The following OPALIN variants were observed in gnomAD, a reference collection of about 807,000 sequenced individuals.
OPALIN encodes transmembrane protein 10.
A neutral mutation model predicts 17.8 loss-of-function variants in OPALIN; 15 were observed. That is an observed-to-expected ratio of 0.84 (90% CI 0.56 to 1.29). The LOEUF is 1.29. Ranked by LOEUF, OPALIN falls within the 50% of genes most tolerant of loss-of-function variation. OPALIN has a pLI of 0.00. For synonymous variants in OPALIN, 62 were observed against 63.8 expected (o/e 0.97, Z 0.14); for missense variants, 170 against 176.0 (o/e 0.97, Z 0.19).
Position 96,351,844 on chromosome 10 carries a change from C to T in OPALIN, c.40-434G>A, listed in dbSNP as rs1393367431. Among the ~76,000 whole-genome samples the T allele has an allele frequency of 2.6e-5, 4 of 152,248 alleles. No homozygotes were observed. The East Asian group carries it at 7.7e-4, about 29-fold the overall frequency. On this transcript the variant is annotated intron_variant, in intron 2 of 5. Coordinates refer to ENST00000371172, the MANE Select transcript of OPALIN (RefSeq NM_033207.5). ...TGATGAAACAAATGGCAGAAGTTGT[C>T]AAATATCCATGCTCCTGGGGATAAT...
In OPALIN at chr10:96,356,890, T is replaced by G. The variant is rs1845844235; in HGVS notation, c.4-1600A>C. 5 of 985,200 alleles carry G rather than the reference T, an allele frequency of 5.1e-6. No homozygotes were observed. In the South Asian group the frequency reaches 2.4e-4, roughly 46 times the overall value. The allele number at this position is 985,200 out of a possible 1,614,324, so 61.0% of individuals were successfully genotyped here. On this transcript the variant is annotated intron_variant, in intron 1 of 5. Transcript: ENST00000371172. The stretch of plus-strand genomic sequence containing the variant: ...AACAGGTTTCCCAAGTCCAAACAAC[T>G]ACTTAGCTGTCACCAGAACCTGAGT...
intron 1 of OPALIN, chr10:96,356,920 C>A (rs149058087): frequency 1.0e-6 from 1 of 985,368 alleles, no homozygotes; most frequent in Non-Finnish European, 1.2e-6. Flanking sequence ...CTGAGTGTCC[C>A]GGTGACAACC....
intron 2 of OPALIN, 95 bp downstream of exon 2, chr10:96,355,160 G>GTGTGTGAGGGGTT (rs1286910763): frequency 7.1e-6 from 5 of 703,960 alleles, no homozygotes; most frequent in Non-Finnish European, 1.2e-5. Context: ...ACTTATCACC[G>GTGTGTGAGGGGTT]TGTGTGAGGG....
chr10:96,347,929 T>G (rs1845408391), intron 5 of OPALIN, among the ~76,000 whole-genome samples: 1 of 152,236 alleles, frequency 6.6e-6, no homozygotes, highest in Non-Finnish European at 1.5e-5. Context: ...CTGTAATTTT[T>G]TGAAAAAGAC....
At chr10:96,347,215 C>G (rs1845370703) in intron 5 of OPALIN, among the ~76,000 whole-genome samples, 1 of 151,910 alleles carries the variant, frequency 6.6e-6, no homozygotes, top group South Asian at 2.1e-4. Flanking sequence ...CTTCAGCCCC[C>G]CACGAAGTAG....
chr10:96,347,971 T>G (rs779785775), intron 5 of OPALIN, among the ~76,000 whole-genome samples: 5 of 152,254 alleles, frequency 3.3e-5, no homozygotes, highest in African/African-American at 1.2e-4. Flanking sequence ...CCCATTCTAT[T>G]TTTAATTTGC....
At chr10:96,357,499 A>G (rs908658775) in intron 1 of OPALIN, among the ~76,000 whole-genome samples, 4 of 152,278 alleles carry the variant, frequency 2.6e-5, no homozygotes, top group Middle Eastern at 3.4e-3. Context: ...TCGAGCCCAC[A>G]CTTAGCCACT....
At position 96,345,728 on chromosome 10, in the gene OPALIN, C is replaced by T; in HGVS notation, c.*213G>A. 2.1e-6 allele frequency: 1 copy of T among 485,954 alleles called. No individual in the cohort carries two copies. The highest frequency in any genetic ancestry group is 3.6e-6 in the Non-Finnish European group (1 of 276,330). The allele number at this position is 485,954 out of a possible 1,614,324, so 30.1% of individuals were successfully genotyped here. A position where few individuals can be genotyped will look rare whatever the true frequency, so the allele number is the denominator to read the frequency against. On this transcript the variant is annotated 3_prime_UTR_variant, in exon 6 of 6. Transcript: ENST00000371172. ...TCTAAGGACCCCATCTGGTGAGTCACATGTACTAACTAAAGCACAAGATCT... is the reference window on the plus strand; with the variant it reads ...TCTAAGGACCCCATCTGGTGAGTCATATGTACTAACTAAAGCACAAGATCT...
chr10:96,357,189 C>T, intron 1 of OPALIN: 2 of 984,642 alleles, frequency 2.0e-6, no homozygotes, highest in Non-Finnish European at 1.2e-6. Context: ...TTTATCTCAT[C>T]AGTGGGCACT....
chr10:96,349,688 C>A lies in OPALIN; in HGVS notation c.192+19G>T. 1 of 1,609,966 alleles carries A rather than the reference C, an allele frequency of 6.2e-7. No homozygotes were observed. The highest frequency in any genetic ancestry group is 1.1e-5 in the South Asian group (1 of 90,142). ...TGGTGGCTGCCTATACATCTGGACCCAAAGAAGCTAGTAATCACCTCCATG... is the reference window on the plus strand; with the variant it reads ...TGGTGGCTGCCTATACATCTGGACCAAAAGAAGCTAGTAATCACCTCCATG... On this transcript the variant is annotated intron_variant, in intron 4 of 5. Transcript: ENST00000371172.
At chr10:96,348,974 G>A (rs972011035) in intron 4 of OPALIN, among the ~76,000 whole-genome samples, 9 of 152,086 alleles carry the variant, frequency 5.9e-5, no homozygotes, top group African/African-American at 2.2e-4. Context: ...TTTTGGAGTT[G>A]AACTAACCAA....
chr10:96,348,388 G>C, intron 4 of OPALIN, 43 bp from the exon 5 acceptor site: 1 of 981,274 alleles, frequency 1.0e-6, no homozygotes, highest in Non-Finnish European at 1.6e-6. Flanking sequence ...GAAAGAAGAA[G>C]AAGTGAAGGG....
rs185762163 is a variant in OPALIN at position 96,355,290 on chromosome 10, T to C, written c.4A>G (p.Ser2Gly). The C allele has an allele frequency of 4.3e-6, 7 of 1,613,800 alleles. No homozygotes were observed. The Admixed American group carries it at 1.0e-4, about 23-fold the overall frequency. The change falls in exon 2 of 6, where the codon AGT (serine) becomes GGT (glycine). Residue 2 changes from serine (S) to glycine (G), a missense_variant and splice_region_variant. Transcript: ENST00000371172. The part of the protein sequence containing the change: M[S>G]FSLNFTLPAN... ...GGCAGGGTGAAGTTCAGTGAAAAAC[T>C]CTGCAAGATAGAAGTAAACATTAAA... is the stretch of plus-strand genomic sequence containing the variant.
At chr10:96,356,828 C>T (rs963054915) in intron 1 of OPALIN, 29 of 956,398 alleles carry the variant, frequency 3.0e-5, no homozygotes, top group Admixed American at 6.2e-5. Context: ...ATAGGACACC[C>T]GCATTTTATA....
chr10:96,353,418 A>C (rs768452098), intron 2 of OPALIN: 5 of 1,613,646 alleles, frequency 3.1e-6, no homozygotes, highest in Non-Finnish European at 4.2e-6. Context: ...TATGCAGTAG[A>C]AATGTGACTT....
intron 3 of OPALIN, among the ~76,000 whole-genome samples, chr10:96,350,586 G>T (rs1035082750): frequency 2.6e-5 from 4 of 152,150 alleles, no homozygotes; most frequent in Non-Finnish European, 5.9e-5. Flanking sequence ...AATGGGTGCA[G>T]CACACCAACG....
In OPALIN at chr10:96,343,508, A is replaced by G. The variant is rs999324455; in HGVS notation, c.*2433T>C. ...GGATGAGAACTGCTGTCTCCACTTT[A>G]CAAGTACAGAACTGAGGCTCTGGAT... On this transcript the variant is annotated 3_prime_UTR_variant, in exon 6 of 6. Transcript: ENST00000371172. 3.3e-5 allele frequency: 5 copies of G among 152,234 alleles called. No homozygotes were observed. The highest frequency in any genetic ancestry group is 7.3e-5 in the Non-Finnish European group (5 of 68,060). The allele number at this position is 152,234 out of a possible 1,614,324, so 9.4% of individuals were successfully genotyped here.
At chr10:96,350,667 A>G (rs1313059298) in intron 3 of OPALIN, among the ~76,000 whole-genome samples, 2 of 152,260 alleles carry the variant, frequency 1.3e-5, no homozygotes, top group Admixed American at 6.5e-5. Flanking sequence ...AGTATAATAA[A>G]AATAAATAAA....
chr10:96,354,485 T>C (rs1344652329), intron 2 of OPALIN, among the ~76,000 whole-genome samples: 1 of 152,206 alleles, frequency 6.6e-6, no homozygotes, highest in African/African-American at 2.4e-5. Context: ...GAAAAAATAT[T>C]ATGCGATCAT....
Sources: gnomAD v4.1 joint callset for allele counts (sites outside exome capture counted in the v4.1 genomes callset) on GRCh38, gnomAD v4.1.1 for gene constraint, MANE v1.5 for transcripts, NCBI Gene and HGNC (gene_info 2026-07-23, HGNC 2026-07-21) for gene names.